Variants in DCAF10 observed in about 807,000 individuals in gnomAD.
DCAF10 encodes the protein DDB1 and CUL4 associated factor 10.
In DCAF10, 19 loss-of-function variants were observed where a neutral mutation model predicts 51.9. That is an observed-to-expected ratio of 0.37 (90% CI 0.26 to 0.54). DCAF10 has a LOEUF of 0.54. Ranked by LOEUF, DCAF10 falls within the 20% of genes least tolerant of loss-of-function variation. DCAF10 has a pLI of 0.87. For synonymous variants in DCAF10, 291 were observed against 297.1 expected (o/e 0.98, Z 0.21); for missense variants, 510 against 730.6 (o/e 0.70, Z 3.48).
In DCAF10 at chr9:37,801,451, C is replaced by G; in HGVS notation, c.539+46C>G. The G allele has an allele frequency of 2.2e-6, 3 of 1,378,324 alleles. No homozygotes were observed. The highest frequency in any genetic ancestry group is 2.8e-6 in the Non-Finnish European group (3 of 1,064,842). 85.4% of individuals were successfully genotyped at this position (1,378,324 alleles called of 1,614,324 possible). A position where few individuals can be genotyped will look rare whatever the true frequency, so the allele number is the denominator to read the frequency against. ...GGCGGGCGCCCGCCTCCGCCCGGCT[C>G]TGCTGCCAGCGGACGGCCGTCCTGG... On this transcript the variant is annotated intron_variant, in intron 1 of 6. Coordinates refer to ENST00000377724, the MANE Select transcript of DCAF10 (RefSeq NM_024345.5). The surrounding 1 kb of genome is among the most constrained non-coding windows in gnomAD (Gnocchi z 5.5).
chr9:37,829,062 T>C lies in DCAF10; in HGVS notation c.653+9661T>C, dbSNP rs1467250564. ...ATGTGAGAAGATAGGCTATAGTTGG[T>C]GGGAGAAGGTATTTTCAATGTACAT... On this transcript the variant is annotated intron_variant, in intron 2 of 6. Coordinates refer to ENST00000377724, the MANE Select transcript of DCAF10 (RefSeq NM_024345.5). The surrounding 1 kb of genome is among the most constrained non-coding windows in gnomAD (Gnocchi z 4.2). Among the ~76,000 whole-genome samples the C allele has an allele frequency of 6.6e-6, 1 of 152,144 alleles. No individual in the cohort carries two copies. The highest frequency in any genetic ancestry group is 1.5e-5 in the Non-Finnish European group (1 of 68,026).
intron 3 of DCAF10, among the ~76,000 whole-genome samples, chr9:37,847,253 C>CAAAAAAA (rs78089886): frequency 1.5e-4 from 5 of 32,930 alleles, no homozygotes; most frequent in Non-Finnish European, 2.9e-4. Flanking sequence ...AACTCCATCT[C>CAAAAAAA]AAAAAAAAAA....
intron 1 of DCAF10, among the ~76,000 whole-genome samples, chr9:37,814,121 T>C (rs1167179935): frequency 1.1e-5 from 1 of 87,488 alleles, no homozygotes; most frequent in Non-Finnish European, 2.4e-5. Context: ...TATATATATA[T>C]ATATATTTGT....
chr9:37,843,816 T>C (rs1349035638), intron 3 of DCAF10, among the ~76,000 whole-genome samples: 1 of 152,188 alleles, frequency 6.6e-6, no homozygotes, highest in Non-Finnish European at 1.5e-5. Flanking sequence ...TTAATAACTG[T>C]GATAAACGTA....
At chr9:37,840,212 T>C (rs548061501) in intron 2 of DCAF10, among the ~76,000 whole-genome samples, 1 of 152,324 alleles carries the variant, frequency 6.6e-6, no homozygotes, top group African/African-American at 2.4e-5. Context: ...TATTGCCTAA[T>C]ACTTACTATG....
At chr9:37,802,838 C>G (rs541841251) in intron 1 of DCAF10, among the ~76,000 whole-genome samples, 1 of 152,292 alleles carries the variant, frequency 6.6e-6, no homozygotes, top group African/African-American at 2.4e-5. Context: ...TTCCTTCAGC[C>G]AAGCCCTATT....
intron 3 of DCAF10, among the ~76,000 whole-genome samples, chr9:37,850,826 TTATATATATATATATATATA>T (rs71494679): frequency 0.033 from 1,502 of 45,836 alleles, 48 homozygotes; most frequent in African/African-American, 0.05. Context: ...AGGATATATT[TTATATATATATATATATATA>T]TATATATATA....
intron 1 of DCAF10, among the ~76,000 whole-genome samples, chr9:37,810,200 T>C (rs1461799821): frequency 6.6e-6 from 1 of 151,980 alleles, no homozygotes; most frequent in East Asian, 1.9e-4. Context: ...AAGAGGTAGA[T>C]TGTTTGGACC....
intron 6 of DCAF10, chr9:37,860,422 G>C (rs1268656494): frequency 4.5e-6 from 2 of 449,266 alleles, no homozygotes; most frequent in African/African-American, 4.0e-5. Flanking sequence ...CAAGGTGGGA[G>C]GTACTTTAAA....
chr9:37,800,646 A>T, upstream of DCAF10: 1 of 1,536,046 alleles, frequency 6.5e-7, no homozygotes, highest in Non-Finnish European at 8.7e-7. Context: ...TCGCTCACAC[A>T]GGTAACTACT....
intron 2 of DCAF10, among the ~76,000 whole-genome samples, chr9:37,824,698 C>G (rs987614363): frequency 6.6e-6 from 1 of 151,456 alleles, no homozygotes; most frequent in Non-Finnish European, 1.5e-5. Flanking sequence ...GAATAAAAAG[C>G]CAAATTATTT....
rs1829880143 is a variant in DCAF10, at chr9:37,827,230, T to C, written c.653+7829T>C. Among the ~76,000 whole-genome samples the C allele has an allele frequency of 4.6e-5, 7 of 151,460 alleles. No homozygotes were observed. The South Asian group carries it at 1.5e-3, about 32-fold the overall frequency. Reference sequence around the variant, plus strand: ...TAGGGGAGGAAATGAAAGTTGGAGGTGGGGATAAATGGAAACAAATGCTTA... The same window carrying C: ...TAGGGGAGGAAATGAAAGTTGGAGGCGGGGATAAATGGAAACAAATGCTTA... On this transcript the variant is annotated intron_variant, in intron 2 of 6. Transcript: ENST00000377724.
In DCAF10 at chr9:37,801,780, G is replaced by A. The variant is rs1423725485; in HGVS notation, c.539+375G>A. 6.6e-6 allele frequency among the ~76,000 whole-genome samples: 1 copy of A among 152,118 alleles called. No individual in the cohort carries two copies. Among genetic ancestry groups the A allele is most frequent in the African/African-American group, 2.4e-5 (1 of 41,412 alleles). ...TTTCTCCCCATCATCCTAGGCTCGC[G>A]TTTTCCTACCTAAACCTGTGTCGGG... is the stretch of plus-strand genomic sequence containing the variant. On this transcript the variant is annotated intron_variant, in intron 1 of 6. Coordinates refer to ENST00000377724, the MANE Select transcript of DCAF10 (RefSeq NM_024345.5). The surrounding 1 kb of genome is among the most constrained non-coding windows in gnomAD (Gnocchi z 5.5).
At position 37,842,119 on chromosome 9, in the gene DCAF10, C is replaced by T; in HGVS notation, c.684C>T (p.Cys228=). The T allele has an allele frequency of 6.2e-7, 1 of 1,613,440 alleles. No homozygotes were observed. The highest frequency in any genetic ancestry group is 8.5e-7 in the Non-Finnish European group (1 of 1,179,812). The change falls in exon 3 of 7, where the codon TGC becomes TGT. Residue 228 remains cysteine (C), a synonymous_variant. Coordinates refer to ENST00000377724, the MANE Select transcript of DCAF10 (RefSeq NM_024345.5). ...RFLDNRLFAT[C]SDDTTIALWD... ...TTGATAACCGGCTGTTTGCTACCTG[C>T]TCTGATGACACTACAATAGCACTAT... is the stretch of plus-strand genomic sequence containing the variant.
intron 1 of DCAF10, among the ~76,000 whole-genome samples, chr9:37,808,540 T>C (rs1481919698): frequency 1.0e-5 from 1 of 100,168 alleles, no homozygotes; most frequent in Non-Finnish European, 2.1e-5. Context: ...AAATATATAA[T>C]ATATGTAATA....
intron 3 of DCAF10, 134 bp from the exon 4 acceptor site, chr9:37,854,646 T>C (rs1359248355): frequency 1.4e-6 from 1 of 719,016 alleles, no homozygotes; most frequent in Admixed American, 2.7e-5. Flanking sequence ...TCCTCCTAAT[T>C]GTAATTTTGA....
chr9:37,808,662 ATATAT>A (rs1329118183), intron 1 of DCAF10, among the ~76,000 whole-genome samples: 37 of 102,578 alleles, frequency 3.6e-4, no homozygotes, highest in African/African-American at 4.9e-4. Flanking sequence ...TAAAATATAA[ATATAT>A]TATATAATAT....
Position 37,800,945 on chromosome 9 carries a change from G to A in DCAF10, c.79G>A (p.Gly27Arg), listed in dbSNP as rs1313453779. 21 of 1,500,546 alleles carry A rather than the reference G, an allele frequency of 1.4e-5. No homozygotes were observed. Among genetic ancestry groups the A allele is most frequent in the Non-Finnish European group, 1.9e-5 (21 of 1,131,816 alleles). 93.0% of individuals were successfully genotyped at this position (1,500,546 alleles called of 1,614,324 possible). A position where few individuals can be genotyped will look rare whatever the true frequency, so the allele number is the denominator to read the frequency against. ...AGAEEPTPHE[G>R]QAAATGPPSP... ...GGCTGAGGAGCCGACGCCCCACGAG[G>A]GGCAGGCAGCAGCCACCGGGCCGCC... Residue 27 changes from glycine to arginine, a missense_variant, in exon 1 of 7, where the codon GGG (glycine) becomes AGG (arginine). Transcript: ENST00000377724.
chr9:37,808,267 G>A (rs1205841933), intron 1 of DCAF10, among the ~76,000 whole-genome samples: 1 of 151,228 alleles, frequency 6.6e-6, no homozygotes, highest in Non-Finnish European at 1.5e-5. Context: ...AAATTAGCCA[G>A]TTGTGGGGCT....
Sources: allele counts gnomAD v4.1 joint callset (sites outside exome capture counted in the v4.1 genomes callset), GRCh38; gene constraint gnomAD v4.1.1; non-coding constraint Gnocchi (gnomAD v3.1); transcripts MANE v1.5; gene names NCBI Gene and HGNC (gene_info 2026-07-23, HGNC 2026-07-21).